The following CSMD1 variants were observed in gnomAD, a reference collection of about 807,000 sequenced individuals.
CSMD1 encodes CUB and sushi domain-containing protein 1.
In CSMD1, 213 loss-of-function variants were observed where a neutral mutation model predicts 417.5. The ratio of observed to expected loss-of-function variants is 0.51; its 90% CI spans 0.46 to 0.57. The LOEUF is 0.57. Among genes scored for constraint, CSMD1 ranks in the 20% least tolerant of loss-of-function variants. The pLI, the probability that CSMD1 is intolerant of heterozygous loss-of-function variation, is 0.00. For missense variants in CSMD1, 6,923 were observed against 4,529.7 expected (o/e 1.53, Z -15.17); for synonymous variants, 2,862 against 1,736.8 (o/e 1.65, Z -16.11).
chr8:4,306,416 G>A (rs1032396433), intron 3 of CSMD1, among the ~76,000 whole-genome samples: 7 of 151,548 alleles, frequency 4.6e-5, no homozygotes, highest in Admixed American at 2.0e-4. Flanking sequence ...AAAAAATACA[G>A]TATCATCGTG....
chr8:3,216,276 C>G (rs1797875570), intron 29 of CSMD1, among the ~76,000 whole-genome samples: 1 of 151,986 alleles, frequency 6.6e-6, no homozygotes, highest in African/African-American at 2.4e-5. Flanking sequence ...AAATACAGAT[C>G]AAATAAGTAA....
chr8:4,319,891 C>T (rs887353767), intron 3 of CSMD1, among the ~76,000 whole-genome samples: 3 of 152,080 alleles, frequency 2.0e-5, no homozygotes, highest in African/African-American at 7.2e-5. Context: ...TGAGCTCAGG[C>T]TACAGAAAGA....
In CSMD1 at chr8:3,918,505, A is replaced by C. The variant is rs534810364; in HGVS notation, c.818+79398T>G. ...TTTGTATGTCTTTGCAGATATATCTACTTGGGTTATTTGCCCATTTTTAAT... is the reference window on the plus strand; with the variant it reads ...TTTGTATGTCTTTGCAGATATATCTCCTTGGGTTATTTGCCCATTTTTAAT... On this transcript the variant is annotated intron_variant, in intron 5 of 69. Transcript: ENST00000635120. Among the ~76,000 whole-genome samples the C allele has an allele frequency of 3.1e-4, 47 of 152,200 alleles. No individual in the cohort carries two copies. In the East Asian group the frequency reaches 7.5e-3, roughly 24 times the overall value.
intron 3 of CSMD1, among the ~76,000 whole-genome samples, chr8:4,123,640 G>C (rs572424164): frequency 6.6e-6 from 1 of 152,252 alleles, no homozygotes; most frequent in African/African-American, 2.4e-5. Context: ...GATAACATTG[G>C]AAATGGGAAC....
At chr8:4,908,966 A>G (rs563026713) in intron 1 of CSMD1, among the ~76,000 whole-genome samples, 7 of 152,256 alleles carry the variant, frequency 4.6e-5, no homozygotes, top group African/African-American at 1.4e-4. Flanking sequence ...CCTTGCCTTT[A>G]GCATGCCCCG....
chr8:3,954,963 G>C (rs1165589688), intron 5 of CSMD1, among the ~76,000 whole-genome samples: 5 of 152,206 alleles, frequency 3.3e-5, no homozygotes, highest in Non-Finnish European at 4.4e-5. Flanking sequence ...CCTGGGGTCT[G>C]CATTCAGTTA....
intron 15 of CSMD1, among the ~76,000 whole-genome samples, chr8:3,401,179 A>T (rs945563756): frequency 1.3e-5 from 2 of 152,018 alleles, no homozygotes; most frequent in Non-Finnish European, 2.9e-5. Flanking sequence ...AAGATACTAT[A>T]TAAGAAAGAC....
At chr8:4,285,052 A>G (rs1178168045) in intron 3 of CSMD1, among the ~76,000 whole-genome samples, 1 of 152,160 alleles carries the variant, frequency 6.6e-6, no homozygotes, top group Non-Finnish European at 1.5e-5. Flanking sequence ...TGTAAGCATA[A>G]CACAATAGTC....
At chr8:3,790,687 T>C (rs919159163) in intron 5 of CSMD1, among the ~76,000 whole-genome samples, 2 of 152,232 alleles carry the variant, frequency 1.3e-5, no homozygotes, top group Non-Finnish European at 2.9e-5. Flanking sequence ...GTTTGTTTTA[T>C]CTTTTTGATA....
At chr8:4,705,222 C>T (rs1807849740) in intron 1 of CSMD1, among the ~76,000 whole-genome samples, 1 of 152,070 alleles carries the variant, frequency 6.6e-6, no homozygotes, top group African/African-American at 2.4e-5. Flanking sequence ...TCAATTAGAC[C>T]TCCTTCTTTT....
chr8:4,534,455 T>C (rs1036972259), intron 2 of CSMD1, among the ~76,000 whole-genome samples: 4 of 152,220 alleles, frequency 2.6e-5, no homozygotes, highest in Non-Finnish European at 4.4e-5. Flanking sequence ...TTAATATTTT[T>C]GTTATTGTTT....
In CSMD1 at chr8:4,909,211, G is replaced by T. The variant is rs75421023; in HGVS notation, c.85+85121C>A. On this transcript the variant is annotated intron_variant, in intron 1 of 69. Coordinates refer to ENST00000635120, the MANE Select transcript of CSMD1 (RefSeq NM_033225.6). ...TATAATGCAGGAGGCCTGTTGCTGT[G>T]GTAGTGAGGGATGGTAGAGTGTTTT... Among the ~76,000 whole-genome samples, 23 of 152,240 alleles carry T rather than the reference G, an allele frequency of 1.5e-4. No homozygotes were observed. In the East Asian group the frequency reaches 4.1e-3, roughly 27 times the overall value.
At chr8:2,964,028 C>A (rs1803729528) in intron 59 of CSMD1, among the ~76,000 whole-genome samples, 1 of 152,132 alleles carries the variant, frequency 6.6e-6, no homozygotes, top group Admixed American at 6.5e-5. Flanking sequence ...CGAGAGATCA[C>A]CTTCCCCACT....
chr8:3,518,685 C>T (rs1797381446), intron 10 of CSMD1, among the ~76,000 whole-genome samples: 1 of 152,058 alleles, frequency 6.6e-6, no homozygotes, highest in African/African-American at 2.4e-5. Context: ...AATCATGCCC[C>T]AAAGAATAAT....
At chr8:4,065,278 G>A (rs1391926334) in intron 3 of CSMD1, among the ~76,000 whole-genome samples, 1 of 152,112 alleles carries the variant, frequency 6.6e-6, no homozygotes, top group Non-Finnish European at 1.5e-5. Context: ...ACTCTGTTGG[G>A]CAGTGCTTCC....
chr8:3,628,114 T>C (rs1796585601), intron 7 of CSMD1, among the ~76,000 whole-genome samples: 1 of 152,148 alleles, frequency 6.6e-6, no homozygotes, highest in Non-Finnish European at 1.5e-5. Flanking sequence ...AGACCGGCAG[T>C]GTTGCAGGAT....
chr8:3,909,242 G>A (rs972855814), intron 5 of CSMD1, among the ~76,000 whole-genome samples: 27 of 152,282 alleles, frequency 1.8e-4, no homozygotes, highest in African/African-American at 4.8e-4. Context: ...TGGCTTGGAG[G>A]AGATGTAGAC....
chr8:4,870,104 C>G (rs1802648035), intron 1 of CSMD1, among the ~76,000 whole-genome samples: 1 of 152,056 alleles, frequency 6.6e-6, no homozygotes, highest in African/African-American at 2.4e-5. Context: ...ATTGCACACT[C>G]TTGATTTATT....
At chr8:4,520,218 T>A (rs186415977) in intron 2 of CSMD1, among the ~76,000 whole-genome samples, 1 of 152,292 alleles carries the variant, frequency 6.6e-6, no homozygotes, top group African/African-American at 2.4e-5. Context: ...AAGATTCTTG[T>A]CCTATTTCTT....
Sources: gnomAD v4.1 joint callset for allele counts (sites outside exome capture counted in the v4.1 genomes callset) on GRCh38, gnomAD v4.1.1 for gene constraint, MANE v1.5 for transcripts, NCBI Gene and HGNC (gene_info 2026-07-23, HGNC 2026-07-21) for gene names.